Variants in KHDRBS2 observed in about 807,000 individuals in gnomAD.
The protein encoded by KHDRBS2 is KH RNA binding domain containing, signal transduction associated 2, also known as KH domain-containing, RNA-binding, signal transduction-associated protein 2.
KHDRBS2 carries 26 observed loss-of-function variants against 44.3 expected under a neutral mutation model. That is an observed-to-expected ratio of 0.59 (90% CI 0.43 to 0.81). KHDRBS2 has a LOEUF of 0.81. Ranked by LOEUF, KHDRBS2 falls within the 40% of genes least tolerant of loss-of-function variation. KHDRBS2 has a pLI of 0.00. For missense variants in KHDRBS2, 476 were observed against 433.1 expected (o/e 1.10, Z -0.88); for synonymous variants, 194 against 151.1 (o/e 1.28, Z -2.08).
In KHDRBS2 at chr6:62,106,218, T is replaced by C. The variant is rs561890381; in HGVS notation, c.220-58224A>G. On this transcript the variant is annotated intron_variant, in intron 2 of 8. Transcript: ENST00000281156. ...TGCAACTATGTGGTCAATTTTGGAA[T>C]AGGTGTGGTGTGATGCTGAAAAAAA... Among the ~76,000 whole-genome samples, 68 of 152,262 alleles carry C rather than the reference T, an allele frequency of 4.5e-4. 1 individual carries two copies. The South Asian group carries it at 0.013, about 28-fold the overall frequency.
intron 4 of KHDRBS2, among the ~76,000 whole-genome samples, chr6:61,939,234 A>G (rs1180447664): frequency 7.2e-6 from 1 of 139,152 alleles, no homozygotes; most frequent in Non-Finnish European, 1.6e-5. Context: ...GAAATAAAAT[A>G]CATGCTTAAC....
At chr6:62,166,147 C>A (rs1818640842) in intron 2 of KHDRBS2, among the ~76,000 whole-genome samples, 5 of 151,914 alleles carry the variant, frequency 3.3e-5, no homozygotes, top group Admixed American at 2.6e-4. Context: ...TAATGAAATT[C>A]TATTATTCTA....
chr6:62,135,101 C>G (rs182726809), intron 2 of KHDRBS2, among the ~76,000 whole-genome samples: 1 of 152,076 alleles, frequency 6.6e-6, no homozygotes, highest in Non-Finnish European at 1.5e-5. Flanking sequence ...TTGGCTGTGT[C>G]CCAACCCAAA....
intron 5 of KHDRBS2, 38 bp from the exon 6 acceptor site, chr6:61,894,871 G>C (rs1188582270): frequency 5.4e-6 from 8 of 1,485,654 alleles, no homozygotes; most frequent in Non-Finnish European, 7.4e-6. Flanking sequence ...AGAAACAGGT[G>C]ATGAGAGAAA....
At chr6:61,770,117 C>G (rs974118275) in intron 6 of KHDRBS2, among the ~76,000 whole-genome samples, 1 of 152,198 alleles carries the variant, frequency 6.6e-6, no homozygotes, top group African/African-American at 2.4e-5. Context: ...AGACCTGCAG[C>G]TGAGGGTCCT....
At chr6:62,122,429 A>C (rs1473914200) in intron 2 of KHDRBS2, among the ~76,000 whole-genome samples, 1 of 152,088 alleles carries the variant, frequency 6.6e-6, no homozygotes, top group Non-Finnish European at 1.5e-5. Flanking sequence ...GACCTATCTA[A>C]CCATAAAGTT....
intron 4 of KHDRBS2, among the ~76,000 whole-genome samples, chr6:61,967,291 A>C (rs1189818303): frequency 6.6e-6 from 1 of 151,988 alleles, no homozygotes; most frequent in Non-Finnish European, 1.5e-5. Flanking sequence ...GAAATACTTT[A>C]TAACAGTAAA....
chr6:62,259,012 A>G (rs1261064977), intron 1 of KHDRBS2, among the ~76,000 whole-genome samples: 2 of 152,058 alleles, frequency 1.3e-5, no homozygotes, highest in South Asian at 2.1e-4. Flanking sequence ...TTCACTTACC[A>G]AGGCACAGCC....
At chr6:61,557,213 T>A in the KHDRBS2 span, among the ~76,000 whole-genome samples, 2 of 152,156 alleles carry the variant, frequency 1.3e-5, no homozygotes, top group African/African-American at 4.8e-5. Flanking sequence ...AATATTGCAT[T>A]ATATATGCTT....
chr6:61,676,984 C>G (rs1452175761), downstream of KHDRBS2, among the ~76,000 whole-genome samples: 3 of 151,846 alleles, frequency 2.0e-5, no homozygotes, highest in African/African-American at 7.2e-5. Context: ...TTACGTTACT[C>G]AAAATGAAGT....
chr6:62,226,655 C>T (rs559965829), intron 1 of KHDRBS2, among the ~76,000 whole-genome samples: 18 of 150,078 alleles, frequency 1.2e-4, no homozygotes, highest in South Asian at 1.0e-3. Flanking sequence ...TCTAGGTTTT[C>T]GATTTTACTT....
intron 6 of KHDRBS2, among the ~76,000 whole-genome samples, chr6:61,836,367 T>C (rs1284873559): frequency 3.9e-5 from 6 of 152,012 alleles, no homozygotes; most frequent in Non-Finnish European, 8.8e-5. Context: ...AGTTTCATAC[T>C]TTTTCATTGT....
the KHDRBS2 span, among the ~76,000 whole-genome samples, chr6:61,606,086 C>T: frequency 6.6e-6 from 1 of 152,198 alleles, no homozygotes; most frequent in Non-Finnish European, 1.5e-5. Flanking sequence ...CCGCCCCTGC[C>T]AGCCAGAGAA....
chr6:61,870,660 G>C (rs1467500861), intron 6 of KHDRBS2, among the ~76,000 whole-genome samples: 1 of 152,150 alleles, frequency 6.6e-6, no homozygotes, highest in Non-Finnish European at 1.5e-5. Context: ...CCTCTGGGAC[G>C]AAGCTCCCAG....
chr6:62,154,849 CA>C (rs1180226035), intron 2 of KHDRBS2, among the ~76,000 whole-genome samples: 1 of 152,050 alleles, frequency 6.6e-6, no homozygotes, highest in African/African-American at 2.4e-5. Flanking sequence ...ACAATTAAAC[CA>C]AAACAGGTAA....
At chr6:61,739,849 C>A (rs1170450671) in intron 6 of KHDRBS2, among the ~76,000 whole-genome samples, 1 of 151,784 alleles carries the variant, frequency 6.6e-6, no homozygotes, top group East Asian at 1.9e-4. Flanking sequence ...CATAAATAAC[C>A]AAAAGAGCAC....
At chr6:61,974,917 C>T (rs1772214223) in intron 4 of KHDRBS2, among the ~76,000 whole-genome samples, 1 of 148,340 alleles carries the variant, frequency 6.7e-6, no homozygotes, top group African/African-American at 2.5e-5. Context: ...GGCGACATAG[C>T]AAGACTCCAT....
At chr6:61,945,150 T>TATATATATATATAC (rs371595813) in intron 4 of KHDRBS2, among the ~76,000 whole-genome samples, 7 of 87,012 alleles carry the variant, frequency 8.0e-5, no homozygotes, top group Non-Finnish European at 1.1e-4. Context: ...TATATATATA[T>TATATATATATATAC]ACACACAGAC....
At chr6:61,551,926 T>C in the KHDRBS2 span, among the ~76,000 whole-genome samples, 1 of 152,178 alleles carries the variant, frequency 6.6e-6, no homozygotes, top group Admixed American at 6.5e-5. Flanking sequence ...CCCATGTGAA[T>C]GGGATTGCAT....
Sources: allele counts gnomAD v4.1 joint callset (sites outside exome capture counted in the v4.1 genomes callset), GRCh38; gene constraint gnomAD v4.1.1; transcripts MANE v1.5; gene names NCBI Gene and HGNC (gene_info 2026-07-23, HGNC 2026-07-21).